LRRC46: variants seen among roughly 807,000 people sequenced by gnomAD.
The protein encoded by LRRC46 is leucine-rich repeat-containing protein 46.
Under a neutral mutation model 28.0 loss-of-function variants are expected in LRRC46, and 20 were observed. That is an observed-to-expected ratio of 0.71 (90% CI 0.50 to 1.04). The LOEUF is 1.04. LRRC46 is among the 50% of genes least tolerant of loss of function. The probability of loss-of-function intolerance (pLI) is 0.00; values close to 1 mark genes in which losing one functional copy is unlikely to be tolerated. For missense variants in LRRC46, 315 were observed against 390.1 expected (o/e 0.81, Z 1.62); for synonymous variants, 156 against 158.8 (o/e 0.98, Z 0.13).
chr17:47,836,868 GC>G lies in LRRC46; in HGVS notation c.715del (p.Leu239TyrfsTer42). ...AGCCCACCCTCACCGACCTGCCCCTGCTACCTGGGGTGCCCATGGCTGGGGA... is the reference window on the plus strand; with the variant it reads ...AGCCCACCCTCACCGACCTGCCCCTGTACCTGGGGTGCCCATGGCTGGGGA... ...MQPTLTDLPLLPGVPMAGDSS... is the reference protein window; with the variant it reads ...MQPTLTDLPLXPGVPMAGDSS... On this transcript the variant is annotated frameshift_variant, in exon 8 of 8. Coordinates refer to ENST00000269025, the MANE Select transcript of LRRC46 (RefSeq NM_033413.4). LOFTEE classifies it low-confidence loss of function (END_TRUNC). The surrounding 1 kb of genome is among the most constrained non-coding windows in gnomAD (Gnocchi z 5.8). 1 of 1,613,832 alleles carries G rather than the reference GC, an allele frequency of 6.2e-7. No individual in the cohort carries two copies. Among genetic ancestry groups the G allele is most frequent in the South Asian group, 1.1e-5 (1 of 91,078 alleles).
At chr17:47,832,064 TGAGGAA>T (rs1567952501) in intron 1 of LRRC46, 30 bp from the exon 2 acceptor site, 1 of 1,612,526 alleles carries the variant, frequency 6.2e-7, no homozygotes, top group East Asian at 2.2e-5. Context: ...CCTCCAAGAG[TGAGGAA>T]GTGTCACAGT....
In LRRC46 at chr17:47,835,766, T is replaced by A; in HGVS notation, c.373T>A (p.Leu125Met). 2 of 1,614,078 alleles carry A rather than the reference T, an allele frequency of 1.2e-6. No homozygotes were observed. The highest frequency in any genetic ancestry group is 1.7e-6 in the Non-Finnish European group (2 of 1,179,926). The stretch of plus-strand genomic sequence containing the variant: ...CCTTTCTGAGAACCTGATAGAAACA[T>A]TGAAGCTGGGTAGGAACCCACTCGC... ...LDLSENLIETLKLDEFPQSLL... is the reference protein window; with the variant it reads ...LDLSENLIETMKLDEFPQSLL... The change falls in exon 5 of 8, where the codon TTG becomes ATG. Residue 125 changes from leucine to methionine, a missense_variant. Physicochemically the swap from Leu to Met is conservative, Grantham distance 15. Transcript: ENST00000269025.
Position 47,837,675 on chromosome 17 carries a change from A to C in LRRC46, c.*555A>C. 1.1e-6 allele frequency: 1 copy of C among 871,002 alleles called. No individual in the cohort carries two copies. The highest frequency in any genetic ancestry group is 1.6e-6 in the Non-Finnish European group (1 of 607,140). 54.0% of individuals were successfully genotyped at this position (871,002 alleles called of 1,614,324 possible). A position where few individuals can be genotyped will look rare whatever the true frequency, so the allele number is the denominator to read the frequency against. ...CTCTCCCACCCCCACTGGTCCTGGG[A>C]TAAAGTTCACTGAAGAGAAAATAAA... On this transcript the variant is annotated 3_prime_UTR_variant, in exon 8 of 8. Transcript: ENST00000269025.
intron 4 of LRRC46, 38 bp downstream of exon 4, chr17:47,835,437 TG>T (rs749683328): frequency 3.1e-6 from 5 of 1,610,526 alleles, no homozygotes; most frequent in East Asian, 2.2e-5. Flanking sequence ...GAAGAGGGGT[TG>T]GGGGAACCTA....
intron 2 of LRRC46, 84 bp from the exon 3 acceptor site, chr17:47,834,341 C>G: frequency 9.8e-7 from 1 of 1,018,994 alleles, no homozygotes; most frequent in South Asian, 1.6e-5. Context: ...CTTGAAACCC[C>G]TTCCCTCCTC....
At position 47,832,103 on chromosome 17, in the gene LRRC46, A is replaced by G. The variant is rs1448320109; in HGVS notation, c.14A>G (p.Lys5Arg). Residue 5 changes from lysine (K) to arginine (R), a missense_variant, in exon 2 of 8, where the codon AAG (lysine) becomes AGG (arginine). Coordinates refer to ENST00000269025, the MANE Select transcript of LRRC46 (RefSeq NM_033413.4). Reference sequence around the variant, plus strand: ...AGTTGGACTCATCTTTTCACAGGGAAGTCAGCCCAGGGTCCAGAGGAAGGG... The same window carrying G: ...AGTTGGACTCATCTTTTCACAGGGAGGTCAGCCCAGGGTCCAGAGGAAGGG... MSGG[K>R]SAQGPEEGGV... The G allele has an allele frequency of 3.7e-6, 6 of 1,611,752 alleles. No homozygotes were observed. Among genetic ancestry groups the G allele is most frequent in the Middle Eastern group, 3.3e-4 (2 of 6,022 alleles).
Position 47,837,251 on chromosome 17 carries a change from G to C in LRRC46, c.*131G>C. The stretch of plus-strand genomic sequence containing the variant: ...CCTGAGTATGCTTTTCATGTCACTT[G>C]GGGTATCTCAGGGGAAGAAACCAGT... On this transcript the variant is annotated 3_prime_UTR_variant, in exon 8 of 8. Transcript: ENST00000269025. The C allele has an allele frequency of 3.2e-6, 4 of 1,268,476 alleles. No individual in the cohort carries two copies. The highest frequency in any genetic ancestry group is 1.6e-5 in the South Asian group (1 of 64,172). 78.6% of individuals were successfully genotyped at this position (1,268,476 alleles called of 1,614,324 possible).
chr17:47,832,942 C>T (rs1481029864), intron 2 of LRRC46, among the ~76,000 whole-genome samples: 1 of 152,180 alleles, frequency 6.6e-6, no homozygotes, highest in African/African-American at 2.4e-5. Flanking sequence ...GTACAATTTC[C>T]CACACTGTGT....
At chr17:47,833,777 G>A in intron 2 of LRRC46, 1 of 165,032 alleles carries the variant, frequency 6.1e-6, no homozygotes, top group Non-Finnish European at 1.2e-5. Context: ...ATGACATAGG[G>A]TCTTGCTCTG....
intron 2 of LRRC46, 40 bp downstream of exon 2, chr17:47,832,245 A>G (rs2033644002): frequency 1.4e-6 from 2 of 1,441,872 alleles, no homozygotes; most frequent in Non-Finnish European, 1.9e-6. Context: ...AGAAGGCTGA[A>G]ACACTCAGGA....
chr17:47,834,364 T>A, intron 2 of LRRC46, 61 bp from the exon 3 acceptor site: 1 of 1,225,534 alleles, frequency 8.2e-7, no homozygotes, highest in Non-Finnish European at 1.2e-6. Flanking sequence ...TCTCCCATCC[T>A]CCCTGCTAAG....
At chr17:47,834,788 C>T in intron 3 of LRRC46, 2 of 348,618 alleles carry the variant, frequency 5.7e-6, no homozygotes, top group Non-Finnish European at 5.2e-6. Context: ...TTCTTTTTGG[C>T]ATCTACTCTA....
At position 47,832,382 on chromosome 17, in the gene LRRC46, C is replaced by A. The variant is rs866395071; in HGVS notation, c.116+177C>A. The stretch of plus-strand genomic sequence containing the variant: ...TCAAAATAATTCCATTTCTTTTTCA[C>A]CATCCTCACTCAACTGTCTTAGATA... On this transcript the variant is annotated intron_variant, in intron 2 of 7. Coordinates refer to ENST00000269025, the MANE Select transcript of LRRC46 (RefSeq NM_033413.4). Among the ~76,000 whole-genome samples the A allele has an allele frequency of 3.3e-5, 5 of 152,284 alleles. No individual in the cohort carries two copies. The East Asian group carries it at 9.6e-4, about 29-fold the overall frequency.
Position 47,831,876 on chromosome 17 carries a change from T to C in LRRC46, c.-114T>C. 7.2e-7 allele frequency: 1 copy of C among 1,394,170 alleles called. No individual in the cohort carries two copies. The highest frequency in any genetic ancestry group is 1.0e-6 in the Non-Finnish European group (1 of 991,568). The allele number at this position is 1,394,170 out of a possible 1,614,324, so 86.4% of individuals were successfully genotyped here. A position where few individuals can be genotyped will look rare whatever the true frequency, so the allele number is the denominator to read the frequency against. ...CAACCCCCTTTCCTCCTCTCCTAAGTCTCTGAGTTTCTCTCTCCTCCTGCC... is the reference window on the plus strand; with the variant it reads ...CAACCCCCTTTCCTCCTCTCCTAAGCCTCTGAGTTTCTCTCTCCTCCTGCC... On this transcript the variant is annotated 5_prime_UTR_variant, in exon 1 of 8. Coordinates refer to ENST00000269025, the MANE Select transcript of LRRC46 (RefSeq NM_033413.4).
intron 4 of LRRC46, 129 bp downstream of exon 4, chr17:47,835,528 C>T (rs2143610868): frequency 7.2e-7 from 1 of 1,383,720 alleles, no homozygotes; most frequent in Admixed American, 1.8e-5. Flanking sequence ...TAGATCTACT[C>T]CCTCACCCCA....
intron 2 of LRRC46, among the ~76,000 whole-genome samples, chr17:47,832,930 G>A (rs1418226512): frequency 1.3e-5 from 2 of 152,180 alleles, no homozygotes; most frequent in African/African-American, 4.8e-5. Context: ...CTCTCCACAA[G>A]TGTACAATTT....
At chr17:47,835,330 C>A in intron 3 of LRRC46, 23 bp from the exon 4 acceptor site, 1 of 1,613,830 alleles carries the variant, frequency 6.2e-7, no homozygotes, top group Non-Finnish European at 8.5e-7. Flanking sequence ...GCTTGGTTTC[C>A]CCACTTCGGT....
intron 4 of LRRC46, 30 bp downstream of exon 4, chr17:47,835,429 A>T (rs775428341): frequency 1.2e-6 from 2 of 1,612,758 alleles, no homozygotes; most frequent in African/African-American, 2.7e-5. Context: ...AGGCAGGGGA[A>T]GAGGGGTTGG....
At chr17:47,832,949 G>A (rs887159939) in intron 2 of LRRC46, among the ~76,000 whole-genome samples, 3 of 152,180 alleles carry the variant, frequency 2.0e-5, no homozygotes, top group African/African-American at 7.2e-5. Context: ...TTCCCACACT[G>A]TGTACTCACA....
Sources: allele counts gnomAD v4.1 joint callset (sites outside exome capture counted in the v4.1 genomes callset), GRCh38; gene constraint gnomAD v4.1.1; non-coding constraint Gnocchi (gnomAD v3.1); transcripts MANE v1.5; gene names NCBI Gene and HGNC (gene_info 2026-07-23, HGNC 2026-07-21).